The following SPTBN1 variants were observed in gnomAD, a reference collection of about 807,000 sequenced individuals.
SPTBN1 encodes spectrin beta chain, non-erythrocytic 1.
Under a neutral mutation model 266.4 loss-of-function variants are expected in SPTBN1, and 32 were observed. The observed-to-expected ratio is 0.12, with a 90% CI of 0.09 to 0.16. The LOEUF is 0.16. SPTBN1 is among the 10% of genes least tolerant of loss of function. The pLI is 1.00. For missense variants in SPTBN1, 2,296 were observed against 3,067.1 expected (o/e 0.75, Z 5.94); for synonymous variants, 1,336 against 1,162.2 (o/e 1.15, Z -3.04).
chr2:54,628,007 AT>A lies in SPTBN1; in HGVS notation c.1645-88del. The A allele has an allele frequency of 6.8e-7, 1 of 1,472,912 alleles. No individual in the cohort carries two copies. The highest frequency in any genetic ancestry group is 1.4e-5 in the African/African-American group (1 of 71,110). 91.2% of individuals were successfully genotyped at this position (1,472,912 alleles called of 1,614,324 possible). A position where few individuals can be genotyped will look rare whatever the true frequency, so the allele number is the denominator to read the frequency against. The stretch of plus-strand genomic sequence containing the variant: ...CAGACTAGAGGGAAGGCATAGCTTC[AT>A]TGCTGGCTCTCTGCTTGTCGAAAGA... On this transcript the variant is annotated intron_variant, in intron 12 of 35. Transcript: ENST00000356805. The surrounding 1 kb of genome is among the most constrained non-coding windows in gnomAD (Gnocchi z 4.3).
In SPTBN1 at chr2:54,628,035, G is replaced by A; in HGVS notation, c.1645-62G>A. 6.5e-7 allele frequency: 1 copy of A among 1,535,736 alleles called. No individual in the cohort carries two copies. The highest frequency in any genetic ancestry group is 8.8e-7 in the Non-Finnish European group (1 of 1,137,344). On this transcript the variant is annotated intron_variant, in intron 12 of 35. Transcript: ENST00000356805. The surrounding 1 kb of genome is among the most constrained non-coding windows in gnomAD (Gnocchi z 4.3). Reference sequence around the variant, plus strand: ...GCTGGCTCTCTGCTTGTCGAAAGATGATGTGATGCTGAAGTCAAGGCTATA... The same window carrying A: ...GCTGGCTCTCTGCTTGTCGAAAGATAATGTGATGCTGAAGTCAAGGCTATA...
At chr2:54,608,359 C>T (rs545318934) in intron 3 of SPTBN1, among the ~76,000 whole-genome samples, 1 of 152,222 alleles carries the variant, frequency 6.6e-6, no homozygotes, top group South Asian at 2.1e-4. Context: ...AAAAGAAGAG[C>T]TGTGAGAACC....
chr2:54,467,538 A>G (rs867257686), intron 1 of SPTBN1, among the ~76,000 whole-genome samples: 5 of 152,022 alleles, frequency 3.3e-5, no homozygotes, highest in Middle Eastern at 3.2e-3. Context: ...GGCGCCTGCC[A>G]CCATGCCCAG....
intron 24 of SPTBN1, 36 bp downstream of exon 24, chr2:54,647,297 C>T (rs1374479350): frequency 2.5e-6 from 4 of 1,607,884 alleles, no homozygotes; most frequent in African/African-American, 2.7e-5. Context: ...ACCCGGCTCT[C>T]GATTCCTCTC....
chr2:54,523,435 T>C (rs1670606327), intron 1 of SPTBN1, among the ~76,000 whole-genome samples: 1 of 152,230 alleles, frequency 6.6e-6, no homozygotes, highest in Non-Finnish European at 1.5e-5. Context: ...TCAGTGCTTC[T>C]TCCTCAGGAA....
In SPTBN1 at chr2:54,599,151, C is replaced by T. The variant is rs750151837; in HGVS notation, c.208C>T (p.Arg70Cys). 4.3e-6 allele frequency: 7 copies of T among 1,614,040 alleles called. No homozygotes were observed. Among genetic ancestry groups the T allele is most frequent in the African/African-American group, 2.7e-5 (2 of 74,908 alleles). The change falls in exon 3 of 36, where the codon CGT becomes TGT. Residue 70 changes from arginine (R) to cysteine (C), a missense_variant. This residue lies in a region of SPTBN1 where 178 missense variants were observed against 375.7 expected (regional missense o/e 0.47). Transcript: ENST00000356805. ...FTKWVNSHLA[R>C]VSCRITDLYT... is the part of the protein sequence containing the mutation. ...CAAGTGGGTCAATTCCCACCTTGCC[C>T]GTGTGTCCTGCCGGATCACAGACCT...
In SPTBN1 at chr2:54,632,737, A is replaced by G. The variant is rs1237112759; in HGVS notation, c.3736A>G (p.Ile1246Val). Residue 1246 changes from isoleucine to valine, a missense_variant, in exon 17 of 36, where the codon ATC becomes GTC. Ile to Val is a conservative substitution (Grantham distance 29). Coordinates refer to ENST00000356805, the MANE Select transcript of SPTBN1 (RefSeq NM_003128.3). ...CGATGGGAACATCAACTCAGATCGC[A>G]TCCAGGAGAAGGTGGACTCTATTGA... The part of the protein sequence containing the change: ...VSDGNINSDR[I>V]QEKVDSIDDR... The G allele has an allele frequency of 6.2e-7, 1 of 1,614,240 alleles. No homozygotes were observed. Among genetic ancestry groups the G allele is most frequent in the Admixed American group, 1.7e-5 (1 of 60,030 alleles).
intron 2 of SPTBN1, among the ~76,000 whole-genome samples, chr2:54,535,599 T>G (rs12104998): frequency 0.8 from 121,463 of 152,264 alleles, 48,887 homozygotes; most frequent in African/African-American, 0.92. Flanking sequence ...CTCTGCTCTC[T>G]TAGATAAGTA....
At chr2:54,495,588 C>T (rs963562400) in intron 1 of SPTBN1, among the ~76,000 whole-genome samples, 12 of 151,952 alleles carry the variant, frequency 7.9e-5, no homozygotes, top group African/African-American at 2.6e-4. Context: ...TCCCACCACC[C>T]AGTGCTAAAT....
At chr2:54,601,529 A>AGGTG (rs1676498549) in intron 3 of SPTBN1, among the ~76,000 whole-genome samples, 1 of 152,264 alleles carries the variant, frequency 6.6e-6, no homozygotes, top group East Asian at 1.9e-4. Flanking sequence ...AGAACTAATG[A>AGGTG]GGTGGTTAGA....
At chr2:54,479,417 T>G (rs1304865446) in intron 1 of SPTBN1, among the ~76,000 whole-genome samples, 1 of 152,218 alleles carries the variant, frequency 6.6e-6, no homozygotes, top group African/African-American at 2.4e-5. Context: ...AGGTTCTGTT[T>G]CTTGGAGCCA....
chr2:54,567,460 C>T (rs996173473), intron 2 of SPTBN1, among the ~76,000 whole-genome samples: 15 of 152,044 alleles, frequency 9.9e-5, no homozygotes, highest in Admixed American at 2.0e-4. Context: ...TCCACCTCAG[C>T]CTCCCAAGTA....
chr2:54,624,040 A>G (rs542672927), intron 10 of SPTBN1, among the ~76,000 whole-genome samples: 1 of 152,388 alleles, frequency 6.6e-6, no homozygotes, highest in East Asian at 1.9e-4. Flanking sequence ...GCCTGCAGTT[A>G]TAGAAATTCA....
intron 16 of SPTBN1, 148 bp from the exon 17 acceptor site, chr2:54,632,418 C>T: frequency 5.5e-6 from 5 of 905,074 alleles, no homozygotes; most frequent in South Asian, 1.8e-5. Flanking sequence ...GGGTTTTTTT[C>T]CTCCTAACTT....
At chr2:54,597,368 AC>A (rs1159903343) in intron 2 of SPTBN1, among the ~76,000 whole-genome samples, 2 of 152,106 alleles carry the variant, frequency 1.3e-5, no homozygotes, top group African/African-American at 4.8e-5. Flanking sequence ...TTTCTGTGGG[AC>A]CTGTCATGAT....
chr2:54,612,934 A>C (rs1006057080), intron 4 of SPTBN1, among the ~76,000 whole-genome samples: 2 of 152,194 alleles, frequency 1.3e-5, no homozygotes, highest in African/African-American at 4.8e-5. Flanking sequence ...CTAAGTATAG[A>C]AGTATTTTAA....
chr2:54,505,062 G>A (rs2104154169), intron 1 of SPTBN1, among the ~76,000 whole-genome samples: 2 of 152,292 alleles, frequency 1.3e-5, no homozygotes, highest in South Asian at 4.1e-4. Context: ...AAGTAATGGT[G>A]ATTCAGTTAA....
chr2:54,514,131 G>C (rs1456650043), intron 1 of SPTBN1, among the ~76,000 whole-genome samples: 1 of 152,278 alleles, frequency 6.6e-6, no homozygotes, highest in East Asian at 1.9e-4. Context: ...ACTGTTCCTT[G>C]TGCAGTTTGC....
chr2:54,589,927 A>T (rs1675557025), intron 2 of SPTBN1, among the ~76,000 whole-genome samples: 1 of 152,254 alleles, frequency 6.6e-6, no homozygotes, highest in African/African-American at 2.4e-5. Flanking sequence ...ATTTTAAAAC[A>T]GTTCAAGAAT....
Sources: allele counts gnomAD v4.1 joint callset (sites outside exome capture counted in the v4.1 genomes callset), GRCh38; gene constraint gnomAD v4.1.1; regional missense constraint gnomAD v4.1.1; non-coding constraint Gnocchi (gnomAD v3.1); transcripts MANE v1.5; gene names NCBI Gene and HGNC (gene_info 2026-07-23, HGNC 2026-07-21).